The following CSMD3 variants were observed in gnomAD, a reference collection of about 807,000 sequenced individuals.
CSMD3 encodes CUB and sushi domain-containing protein 3.
A neutral mutation model predicts 435.2 loss-of-function variants in CSMD3; 177 were observed. The ratio of observed to expected loss-of-function variants is 0.41; its 90% CI spans 0.36 to 0.46. CSMD3 has a LOEUF of 0.46. Ranked by LOEUF, CSMD3 falls within the 20% of genes least tolerant of loss-of-function variation. The pLI, the probability that CSMD3 is intolerant of heterozygous loss-of-function variation, is 0.34. For missense variants in CSMD3, 4,265 were observed against 4,504.6 expected, an observed-to-expected ratio of 0.95 and a Z score of 1.52; for synonymous variants, 1,656 against 1,520.5, an observed-to-expected ratio of 1.09 and a Z score of -2.07.
chr8:112,719,434 A>G (rs2076808119), intron 13 of CSMD3, among the ~76,000 whole-genome samples: 1 of 152,176 alleles, frequency 6.6e-6, no homozygotes, highest in Non-Finnish European at 1.5e-5. Context: ...ATTTCTCACA[A>G]TTCTGGAGGC....
chr8:113,428,036 A>T (rs1180540153), intron 1 of CSMD3, among the ~76,000 whole-genome samples: 2 of 151,712 alleles, frequency 1.3e-5, no homozygotes, highest in East Asian at 3.8e-4. Flanking sequence ...TGTCATATTT[A>T]ACATATGTAT....
chr8:112,641,298 T>G (rs568625031), intron 20 of CSMD3, among the ~76,000 whole-genome samples: 46 of 152,164 alleles, frequency 3.0e-4, no homozygotes, highest in Non-Finnish European at 5.4e-4. Flanking sequence ...CCTTCAAAGT[T>G]GTGCCAAAGG....
At position 112,616,234 on chromosome 8, in the gene CSMD3, G is replaced by A. The variant is rs950484813; in HGVS notation, c.3715+20583C>T. Among the ~76,000 whole-genome samples the A allele has an allele frequency of 3.3e-5, 5 of 151,962 alleles. No individual in the cohort carries two copies. In the East Asian group the frequency reaches 5.8e-4, roughly 18 times the overall value. ...TAAGTTAGCATGCATAATGGATTTG[G>A]AACAGAGTCGTATAACTGGTAAGTA... On this transcript the variant is annotated intron_variant, in intron 22 of 70. Transcript: ENST00000297405.
In CSMD3 at chr8:113,266,406, G is replaced by A. The variant is rs1358013024; in HGVS notation, c.514+12186C>T. 3.3e-5 allele frequency among the ~76,000 whole-genome samples: 5 copies of A among 151,214 alleles called. No homozygotes were observed. In the South Asian group the frequency reaches 8.3e-4, roughly 25 times the overall value. ...TAATATACATTCTTGTTTAAGCAAT[G>A]TTTTTTGTTCTAAATTATATTTTCT... On this transcript the variant is annotated intron_variant, in intron 3 of 70. Coordinates refer to ENST00000297405, the MANE Select transcript of CSMD3 (RefSeq NM_198123.2).
At chr8:112,927,455 C>T (rs907139374) in intron 9 of CSMD3, among the ~76,000 whole-genome samples, 5 of 152,076 alleles carry the variant, frequency 3.3e-5, no homozygotes, top group African/African-American at 1.2e-4. Context: ...CTTGTCATTA[C>T]TTGTACTATT....
chr8:113,242,921 C>T (rs925599120), intron 3 of CSMD3, among the ~76,000 whole-genome samples: 9 of 151,684 alleles, frequency 5.9e-5, no homozygotes, highest in African/African-American at 1.9e-4. Context: ...AGGTTTCTGG[C>T]TTTCTATAAA....
chr8:112,543,876 GA>G (rs769144667), intron 27 of CSMD3, among the ~76,000 whole-genome samples: 1 of 152,092 alleles, frequency 6.6e-6, no homozygotes, highest in Non-Finnish European at 1.5e-5. Context: ...ACACACAGTG[GA>G]ATACGATTTG....
chr8:112,543,078 C>G (rs776021427), intron 27 of CSMD3, among the ~76,000 whole-genome samples: 2 of 152,032 alleles, frequency 1.3e-5, no homozygotes, highest in African/African-American at 2.4e-5. Flanking sequence ...CCTTATCTTA[C>G]AGCCTACACA....
chr8:112,423,961 T>A lies in CSMD3; in HGVS notation c.5396-14929A>T, dbSNP rs182100716. Among the ~76,000 whole-genome samples, 19 of 152,274 alleles carry A rather than the reference T, an allele frequency of 1.2e-4. 1 individual carries two copies. The highest frequency in any genetic ancestry group is 6.8e-3 in the Middle Eastern group (2 of 294). ...ATTACTTAATATGCTATAATTCCAA[T>A]GGAAGTTTCTCATATTACATTTTAA... On this transcript the variant is annotated intron_variant, in intron 32 of 70. Coordinates refer to ENST00000297405, the MANE Select transcript of CSMD3 (RefSeq NM_198123.2).
intron 3 of CSMD3, among the ~76,000 whole-genome samples, chr8:113,233,084 T>A (rs1235428576): frequency 6.6e-6 from 1 of 151,870 alleles, no homozygotes; most frequent in Non-Finnish European, 1.5e-5. Flanking sequence ...TTTTGGAAGC[T>A]TAGTTTTGCT....
rs1442093696 is a variant in CSMD3, at chr8:112,544,357, G to T, written c.4564+6314C>A. On this transcript the variant is annotated intron_variant, in intron 27 of 70. Coordinates refer to ENST00000297405, the MANE Select transcript of CSMD3 (RefSeq NM_198123.2). The stretch of plus-strand genomic sequence containing the variant: ...GAGGATGTATTTAATGCATTATTAT[G>T]GCTTCAAATAACCATTCAATCTGAT... 3.3e-5 allele frequency among the ~76,000 whole-genome samples: 5 copies of T among 151,954 alleles called. 1 individual carries two copies. The highest frequency in any genetic ancestry group is 1.2e-4 in the African/African-American group (5 of 41,354).
chr8:112,678,701 A>C (rs932421399), intron 16 of CSMD3, among the ~76,000 whole-genome samples: 3 of 134,326 alleles, frequency 2.2e-5, no homozygotes, highest in Non-Finnish European at 3.1e-5. Flanking sequence ...TTAATACACA[A>C]CAATCCATAT....
intron 10 of CSMD3, among the ~76,000 whole-genome samples, chr8:112,899,599 TTATATATATA>T (rs71309794): frequency 0.063 from 6,331 of 99,980 alleles, 245 homozygotes; most frequent in African/African-American, 0.12. Flanking sequence ...CTTGTCTATT[TTATATATATA>T]TATATATATA....
intron 1 of CSMD3, among the ~76,000 whole-genome samples, chr8:113,334,788 C>T (rs1226564269): frequency 6.6e-6 from 1 of 151,934 alleles, no homozygotes; most frequent in Non-Finnish European, 1.5e-5. Context: ...GAGGAATTGG[C>T]ATATTTTTTT....
intron 7 of CSMD3, among the ~76,000 whole-genome samples, chr8:112,964,288 T>C (rs901692833): frequency 3.3e-5 from 5 of 151,972 alleles, no homozygotes; most frequent in Non-Finnish European, 7.4e-5. Flanking sequence ...CTCAAGTGCG[T>C]ATCTTAGAAA....
At chr8:112,876,286 T>A (rs2081279412) in intron 10 of CSMD3, among the ~76,000 whole-genome samples, 1 of 151,966 alleles carries the variant, frequency 6.6e-6, no homozygotes, top group South Asian at 2.1e-4. Context: ...CTAAAACTAT[T>A]CCAAACAAGA....
intron 9 of CSMD3, among the ~76,000 whole-genome samples, chr8:112,935,730 A>G (rs1425639427): frequency 6.6e-6 from 1 of 151,698 alleles, no homozygotes; most frequent in Non-Finnish European, 1.5e-5. Context: ...TTGTATGGGG[A>G]TTTTTTTTAA....
At chr8:112,525,741 C>A (rs1441057718) in intron 27 of CSMD3, among the ~76,000 whole-genome samples, 6 of 126,240 alleles carry the variant, frequency 4.8e-5, no homozygotes, top group South Asian at 2.5e-4. Flanking sequence ...CCCCAAAAAC[C>A]ATATATATAC....
chr8:113,358,027 TAA>T (rs1801904193), intron 1 of CSMD3, among the ~76,000 whole-genome samples: 1 of 152,214 alleles, frequency 6.6e-6, no homozygotes, highest in Admixed American at 6.5e-5. Flanking sequence ...GTATGCATAT[TAA>T]GTGTCTAAAC....
Sources: gnomAD v4.1 joint callset for allele counts (sites outside exome capture counted in the v4.1 genomes callset) on GRCh38, gnomAD v4.1.1 for gene constraint, MANE v1.5 for transcripts, NCBI Gene and HGNC (gene_info 2026-07-23, HGNC 2026-07-21) for gene names.